Variants in SSBP3 observed in about 807,000 individuals in gnomAD.
The protein encoded by SSBP3 is single stranded DNA binding protein 3.
In SSBP3, 5 loss-of-function variants were observed where a neutral mutation model predicts 69.6. That is an observed-to-expected ratio of 0.07 (90% CI 0.04 to 0.15). The LOEUF (loss-of-function observed/expected upper bound fraction) is 0.15. SSBP3 is among the 10% of genes least tolerant of loss of function. The probability of loss-of-function intolerance (pLI) is 1.00; values close to 1 mark genes in which losing one functional copy is unlikely to be tolerated. For synonymous variants in SSBP3, 196 were observed against 193.4 expected (o/e 1.01, Z -0.11); for missense variants, 312 against 534.0 (o/e 0.58, Z 4.10).
intron 5 of SSBP3, among the ~76,000 whole-genome samples, chr1:54,267,146 C>G (rs997065534): frequency 1.3e-5 from 2 of 152,194 alleles, no homozygotes; most frequent in African/African-American, 4.8e-5. Flanking sequence ...GGCTCCACCT[C>G]GAATGGCTGT....
At chr1:54,307,624 T>A (rs1645924045) in intron 4 of SSBP3, among the ~76,000 whole-genome samples, 1 of 152,152 alleles carries the variant, frequency 6.6e-6, no homozygotes, top group South Asian at 2.1e-4. Flanking sequence ...AGTCACAGGA[T>A]GAGACAGGAG....
intron 4 of SSBP3, among the ~76,000 whole-genome samples, chr1:54,396,607 G>T (rs1469911128): frequency 2.0e-5 from 3 of 152,102 alleles, no homozygotes; most frequent in African/African-American, 4.8e-5. Context: ...AAATAGAGAC[G>T]ACCTAAGGAA....
chr1:54,353,334 G>T (rs1646812963), intron 4 of SSBP3, among the ~76,000 whole-genome samples: 1 of 152,200 alleles, frequency 6.6e-6, no homozygotes, highest in African/African-American at 2.4e-5. Flanking sequence ...GGGTAAACTG[G>T]AAGATCACCT....
At chr1:54,376,758 T>A (rs1277238954) in intron 4 of SSBP3, among the ~76,000 whole-genome samples, 2 of 152,188 alleles carry the variant, frequency 1.3e-5, no homozygotes, top group Non-Finnish European at 2.9e-5. Context: ...TTCAAAGCAG[T>A]ACTTATTTAC....
intron 9 of SSBP3, among the ~76,000 whole-genome samples, chr1:54,246,689 G>A (rs1005943072): frequency 1.3e-5 from 2 of 152,186 alleles, no homozygotes; most frequent in African/African-American, 2.4e-5. Context: ...CAGTCCTGCC[G>A]CCTATAGAGG....
chr1:54,370,628 T>C (rs1647115544), intron 4 of SSBP3, among the ~76,000 whole-genome samples: 1 of 152,116 alleles, frequency 6.6e-6, no homozygotes, highest in South Asian at 2.1e-4. Flanking sequence ...TAATAAGCCT[T>C]GTCTGTCACT....
At chr1:54,314,826 C>T (rs1051793123) in intron 4 of SSBP3, among the ~76,000 whole-genome samples, 3 of 152,182 alleles carry the variant, frequency 2.0e-5, no homozygotes, top group African/African-American at 7.2e-5. Flanking sequence ...CCAGTGTCCC[C>T]TCCCAGTATG....
intron 7 of SSBP3, among the ~76,000 whole-genome samples, chr1:54,253,393 T>C (rs539418276): frequency 6.6e-6 from 1 of 151,722 alleles, no homozygotes; most frequent in Non-Finnish European, 1.5e-5. Context: ...GGTCTCACTA[T>C]GTTGCCTGGG....
intron 4 of SSBP3, among the ~76,000 whole-genome samples, chr1:54,295,997 G>A (rs978753473): frequency 6.6e-6 from 1 of 152,216 alleles, no homozygotes; most frequent in African/African-American, 2.4e-5. Flanking sequence ...TTCCAAAAAA[G>A]TGGAATCCAA....
chr1:54,229,699 C>T lies in SSBP3; in HGVS notation c.928-873G>A, dbSNP rs1644349291. Among the ~76,000 whole-genome samples, 6 of 152,282 alleles carry T rather than the reference C, an allele frequency of 3.9e-5. No individual in the cohort carries two copies. The South Asian group carries it at 1.2e-3, about 32-fold the overall frequency. On this transcript the variant is annotated intron_variant, in intron 14 of 17. Coordinates refer to ENST00000610401, the Ensembl canonical transcript of SSBP3. ...GGGGCTGGGGAGGGGCGGCTGAGCC[C>T]AGCCTGGAGCGCCAAGGCCCTGTGA...
At chr1:54,313,020 C>CT (rs534805502) in intron 4 of SSBP3, among the ~76,000 whole-genome samples, 7,280 of 121,320 alleles carry the variant, frequency 0.06, 523 homozygotes, top group East Asian at 0.17. Context: ...GTGCCTGGAG[C>CT]TTTTTTTTTT....
At chr1:54,240,099 C>CTAT in intron 13 of SSBP3, among the ~76,000 whole-genome samples, 1 of 105,338 alleles carries the variant, frequency 9.5e-6, no homozygotes, top group East Asian at 4.0e-4. Flanking sequence ...CGCGCGCGCG[C>CTAT]GTGTGCGTGC....
chr1:54,313,289 G>A (rs925435560), intron 4 of SSBP3, among the ~76,000 whole-genome samples: 3 of 152,024 alleles, frequency 2.0e-5, no homozygotes, highest in Non-Finnish European at 4.4e-5. Flanking sequence ...CCTCTGCCTC[G>A]CCAGACAATG....
At chr1:54,265,434 T>TG (rs565666494) in intron 5 of SSBP3, among the ~76,000 whole-genome samples, 178 of 152,246 alleles carry the variant, frequency 1.2e-3, no homozygotes, top group African/African-American at 4.1e-3. Context: ...AGCATGGGCC[T>TG]GGCACATGCA....
intron 4 of SSBP3, among the ~76,000 whole-genome samples, chr1:54,364,514 G>A (rs1323715941): frequency 6.6e-6 from 1 of 152,180 alleles, no homozygotes; most frequent in Admixed American, 6.5e-5. Context: ...AAGGGGTGAG[G>A]CTTCTCAAAA....
At chr1:54,324,932 T>C (rs1222801185) in intron 4 of SSBP3, among the ~76,000 whole-genome samples, 1 of 151,870 alleles carries the variant, frequency 6.6e-6, no homozygotes, top group African/African-American at 2.4e-5. Context: ...GTGAAGACAA[T>C]GGGAGGGAGC....
chr1:54,310,000 C>T (rs937102133), intron 4 of SSBP3, among the ~76,000 whole-genome samples: 17 of 152,102 alleles, frequency 1.1e-4, no homozygotes, highest in Non-Finnish European at 1.6e-4. Context: ...TAGGGAAGCC[C>T]GGGCAGGCTC....
At chr1:54,241,610 C>A in intron 11 of SSBP3, 101 bp from the exon 12 acceptor site, 1 of 1,304,406 alleles carries the variant, frequency 7.7e-7, no homozygotes, top group Admixed American at 1.7e-5. Context: ...GGAAAGGCAT[C>A]GCCACCCAGT....
intron 4 of SSBP3, among the ~76,000 whole-genome samples, chr1:54,332,958 TC>T (rs939067840): frequency 1.3e-5 from 2 of 152,058 alleles, no homozygotes; most frequent in African/African-American, 4.8e-5. Flanking sequence ...GTGCGCCTCC[TC>T]CCACGCAGCA....
Sources: gnomAD v4.1 joint callset for allele counts (sites outside exome capture counted in the v4.1 genomes callset) on GRCh38, gnomAD v4.1.1 for gene constraint, MANE v1.5 for transcripts, NCBI Gene and HGNC (gene_info 2026-07-23, HGNC 2026-07-21) for gene names.